Variants in PTPRT observed in about 807,000 individuals in gnomAD.
PTPRT encodes protein tyrosine phosphatase receptor type T.
A neutral mutation model predicts 176.8 loss-of-function variants in PTPRT; 56 were observed. The observed-to-expected ratio is 0.32, with a 90% CI of 0.26 to 0.40. The LOEUF (loss-of-function observed/expected upper bound fraction) is 0.40. Ranked by LOEUF, PTPRT falls within the 10% of genes least tolerant of loss-of-function variation. PTPRT has a pLI of 1.00. For synonymous variants in PTPRT, 783 were observed against 739.0 expected (o/e 1.06, Z -0.96); for missense variants, 1,540 against 1,908.2 (o/e 0.81, Z 3.60).
chr20:42,339,351 T>C (rs1360472416), intron 11 of PTPRT, among the ~76,000 whole-genome samples: 2 of 152,110 alleles, frequency 1.3e-5, no homozygotes, highest in African/African-American at 4.8e-5. Context: ...TGGACAGGGA[T>C]AGAGAAATAA....
chr20:42,605,755 C>T (rs2073865182), intron 7 of PTPRT, among the ~76,000 whole-genome samples: 1 of 152,204 alleles, frequency 6.6e-6, no homozygotes, highest in East Asian at 1.9e-4. Context: ...CGGGCTCTCT[C>T]CCCCTCCTAC....
chr20:42,647,061 T>TACAC (rs2074922412), intron 7 of PTPRT, among the ~76,000 whole-genome samples: 1 of 151,678 alleles, frequency 6.6e-6, no homozygotes, highest in African/African-American at 2.4e-5. Flanking sequence ...GGCCAGCTAC[T>TACAC]TTTTAAAAAT....
intron 9 of PTPRT, among the ~76,000 whole-genome samples, chr20:42,373,024 C>T (rs2058607272): frequency 6.6e-6 from 1 of 152,226 alleles, no homozygotes; most frequent in Admixed American, 6.5e-5. Context: ...ACATCCTAGG[C>T]AGGAAGAAAT....
rs761730112 is a variant in PTPRT at position 43,073,340 on chromosome 20, G to A, written c.88+116306C>T. Among the ~76,000 whole-genome samples, 114 of 151,908 alleles carry A rather than the reference G, an allele frequency of 7.5e-4. 1 individual carries two copies. The highest frequency in any genetic ancestry group is 9.3e-4 in the Non-Finnish European group (63 of 67,986). On this transcript the variant is annotated intron_variant, in intron 1 of 30. Transcript: ENST00000373187. ...CCATACGTCTGTCTCTTATTTCAAT[G>A]TGCTCCGTTATCTTGGTAAATTTGC...
rs73907215 is a variant in PTPRT at position 42,632,740 on chromosome 20, A to C, written c.1153+45126T>G. Among the ~76,000 whole-genome samples, 539 of 151,532 alleles carry C rather than the reference A, an allele frequency of 3.6e-3. 5 individuals carry two copies. The highest frequency in any genetic ancestry group is 0.012 in the African/African-American group (513 of 41,372). On this transcript the variant is annotated intron_variant, in intron 7 of 30. Transcript: ENST00000373187. The stretch of plus-strand genomic sequence containing the variant: ...TTTTACTATATTAAACTGGAACATG[A>C]GTATAGCAGCTTTCCTGAGTTCTGT...
chr20:43,066,262 G>C (rs1412098063), intron 1 of PTPRT, among the ~76,000 whole-genome samples: 1 of 152,144 alleles, frequency 6.6e-6, no homozygotes, highest in African/African-American at 2.4e-5. Flanking sequence ...ACTTGGCTCG[G>C]TTTTCATCCA....
chr20:42,991,163 G>GTAGT (rs1983891987), intron 1 of PTPRT, among the ~76,000 whole-genome samples: 1 of 152,140 alleles, frequency 6.6e-6, no homozygotes, highest in East Asian at 1.9e-4. Context: ...GTTAAGGGTT[G>GTAGT]TAGTTACATT....
chr20:42,268,795 A>G (rs907541426), intron 13 of PTPRT, among the ~76,000 whole-genome samples: 1 of 152,242 alleles, frequency 6.6e-6, no homozygotes, highest in Admixed American at 6.5e-5. Flanking sequence ...ATGGCAGTAC[A>G]AAGGCAGAGA....
intron 1 of PTPRT, among the ~76,000 whole-genome samples, chr20:43,060,998 T>G (rs539840872): frequency 1.3e-5 from 2 of 152,224 alleles, no homozygotes; most frequent in Admixed American, 6.5e-5. Context: ...CAATAAAAAA[T>G]TTAAAATAGA....
chr20:42,444,048 C>T (rs1026211986), intron 9 of PTPRT, among the ~76,000 whole-genome samples: 1 of 152,142 alleles, frequency 6.6e-6, no homozygotes, highest in African/African-American at 2.4e-5. Flanking sequence ...CTTTCCATTC[C>T]TTTCAGGATA....
At chr20:42,425,902 G>A (rs4812598) in intron 9 of PTPRT, among the ~76,000 whole-genome samples, 4 of 151,972 alleles carry the variant, frequency 2.6e-5, no homozygotes, top group African/African-American at 7.3e-5. Context: ...AGGTAAAGAG[G>A]AGCTTCTGGA....
At chr20:42,061,091 G>C in the PTPRT span, among the ~76,000 whole-genome samples, 1 of 152,200 alleles carries the variant, frequency 6.6e-6, no homozygotes, top group Non-Finnish European at 1.5e-5. Flanking sequence ...ATTTGTATTA[G>C]TCAAGATATG....
At chr20:42,619,043 C>T (rs2074136964) in intron 7 of PTPRT, among the ~76,000 whole-genome samples, 1 of 151,004 alleles carries the variant, frequency 6.6e-6, no homozygotes, top group Non-Finnish European at 1.5e-5. Context: ...TCTCGATGGT[C>T]TTTACATTTT....
chr20:42,263,679 T>G (rs1203740301), intron 13 of PTPRT, among the ~76,000 whole-genome samples: 1 of 121,152 alleles, frequency 8.3e-6, no homozygotes, highest in African/African-American at 4.2e-5. Flanking sequence ...GCGCCGGGCC[T>G]TTTTTTTTTT....
chr20:42,532,678 A>AATT (rs1160353489), intron 7 of PTPRT, among the ~76,000 whole-genome samples: 1 of 152,140 alleles, frequency 6.6e-6, no homozygotes, highest in African/African-American at 2.4e-5. Flanking sequence ...CACCTTAAAT[A>AATT]ACTAAAGAGG....
At chr20:43,134,870 A>G (rs2013773130) in intron 1 of PTPRT, among the ~76,000 whole-genome samples, 1 of 152,170 alleles carries the variant, frequency 6.6e-6, no homozygotes, top group Non-Finnish European at 1.5e-5. Flanking sequence ...TAACCTCAGC[A>G]CTGTTGACAT....
chr20:43,073,476 T>TACAC (rs759692529), intron 1 of PTPRT, among the ~76,000 whole-genome samples: 51 of 83,958 alleles, frequency 6.1e-4, no homozygotes, highest in African/African-American at 2.0e-3. Flanking sequence ...GGAATATATA[T>TACAC]ATATACACAC....
intron 1 of PTPRT, among the ~76,000 whole-genome samples, chr20:42,960,871 T>C (rs1013431057): frequency 3.9e-5 from 6 of 152,306 alleles, no homozygotes; most frequent in Non-Finnish European, 5.9e-5. Flanking sequence ...GCTGTTCCCA[T>C]TTGTAAATCA....
At chr20:42,331,606 T>C (rs958132237) in intron 11 of PTPRT, among the ~76,000 whole-genome samples, 1 of 152,194 alleles carries the variant, frequency 6.6e-6, no homozygotes, top group Non-Finnish European at 1.5e-5. Flanking sequence ...TGAAATATTC[T>C]TCTTATGGGA....
Sources: allele counts gnomAD v4.1 joint callset (sites outside exome capture counted in the v4.1 genomes callset), GRCh38; gene constraint gnomAD v4.1.1; transcripts MANE v1.5; gene names NCBI Gene and HGNC (gene_info 2026-07-23, HGNC 2026-07-21).